Variants in ITFG1 observed in about 807,000 individuals in gnomAD.
The protein encoded by ITFG1 is T-cell immunomodulatory protein.
A neutral mutation model predicts 81.8 loss-of-function variants in ITFG1; 34 were observed. The ratio of observed to expected loss-of-function variants is 0.42; its 90% CI spans 0.32 to 0.55. ITFG1 has a LOEUF of 0.55. ITFG1 is among the 20% of genes least tolerant of loss of function. ITFG1 has a pLI of 0.17. For synonymous variants in ITFG1, 285 were observed against 270.6 expected (o/e 1.05, Z -0.52); for missense variants, 672 against 755.4 (o/e 0.89, Z 1.29).
chr16:47,316,942 TA>T (rs2151566863), intron 8 of ITFG1, among the ~76,000 whole-genome samples: 1 of 152,342 alleles, frequency 6.6e-6, no homozygotes, highest in African/African-American at 2.4e-5. Flanking sequence ...ACCAGGAATT[TA>T]TAACTTTGGA....
intron 10 of ITFG1, chr16:47,299,555 A>G (rs1164782222): frequency 6.6e-6 from 1 of 152,504 alleles, no homozygotes; most frequent in South Asian, 2.1e-4. Context: ...GTTGGAGGAC[A>G]GTTCTCAGGC....
intron 6 of ITFG1, among the ~76,000 whole-genome samples, chr16:47,411,305 G>A (rs1470779380): frequency 6.6e-6 from 1 of 152,174 alleles, no homozygotes; most frequent in African/African-American, 2.4e-5. Context: ...GCCTGTGACT[G>A]AAGTAGTCCT....
intron 10 of ITFG1, among the ~76,000 whole-genome samples, chr16:47,297,484 T>A (rs1172485889): frequency 6.6e-6 from 1 of 152,186 alleles, no homozygotes; most frequent in African/African-American, 2.4e-5. Context: ...TTTGTTTCCA[T>A]GTTTAGAATT....
chr16:47,208,249 G>C (rs1965524720), intron 14 of ITFG1, among the ~76,000 whole-genome samples: 1 of 152,118 alleles, frequency 6.6e-6, no homozygotes, highest in East Asian at 1.9e-4. Context: ...TGTGACTCTG[G>C]GGAAGTCCTT....
chr16:47,325,664 T>A (rs953011334), intron 8 of ITFG1, among the ~76,000 whole-genome samples: 19 of 152,058 alleles, frequency 1.2e-4, no homozygotes, highest in African/African-American at 3.9e-4. Flanking sequence ...CCCACAGAAA[T>A]ACAAACTACC....
intron 10 of ITFG1, among the ~76,000 whole-genome samples, chr16:47,282,688 T>A (rs1172749714): frequency 6.6e-6 from 1 of 152,154 alleles, no homozygotes; most frequent in East Asian, 1.9e-4. Flanking sequence ...CCACAGAGGT[T>A]GTATTAATTT....
intron 8 of ITFG1, among the ~76,000 whole-genome samples, chr16:47,324,443 G>A (rs571738274): frequency 2.8e-4 from 42 of 152,160 alleles, no homozygotes; most frequent in African/African-American, 9.2e-4. Context: ...AAGCAAAATA[G>A]CCAGCTAACA....
intron 14 of ITFG1, among the ~76,000 whole-genome samples, chr16:47,204,928 A>C (rs3095629): frequency 6.6e-6 from 1 of 152,228 alleles, no homozygotes; most frequent in African/African-American, 2.4e-5. Flanking sequence ...CTAAACTCAT[A>C]TGCTGAGCCA....
rs1969386803 is a variant in ITFG1, at chr16:47,451,395, C to A, written c.560+1G>T. On this transcript the variant is annotated splice_donor_variant, in intron 5 of 17. Coordinates refer to ENST00000320640, the MANE Select transcript of ITFG1 (RefSeq NM_030790.5). LOFTEE classifies it high-confidence loss of function. Reference sequence around the variant, plus strand: ...ACATAGTTATAACCATATTTACTCACCCTCCTAATAGTATCTGTGGCTGGT... The same window carrying A: ...ACATAGTTATAACCATATTTACTCAACCTCCTAATAGTATCTGTGGCTGGT... The A allele has an allele frequency of 6.7e-7, 1 of 1,492,422 alleles. No homozygotes were observed. The highest frequency in any genetic ancestry group is 1.7e-5 in the Admixed American group (1 of 57,722). The allele number at this position is 1,492,422 out of a possible 1,614,324, so 92.4% of individuals were successfully genotyped here.
At chr16:47,192,254 T>C (rs994279153) in intron 14 of ITFG1, among the ~76,000 whole-genome samples, 1 of 152,214 alleles carries the variant, frequency 6.6e-6, no homozygotes, top group African/African-American at 2.4e-5. Flanking sequence ...AAAAGGAACA[T>C]GGTAAGTAGT....
Position 47,352,633 on chromosome 16 carries a change from T to C in ITFG1, c.802+13155A>G, listed in dbSNP as rs1967977704. On this transcript the variant is annotated intron_variant, in intron 8 of 17. Transcript: ENST00000320640. ...TGGGACCGTAAACTAGTTCAACCAT[T>C]GTGGGAGTCAGTGTGGCGATTCCTC... Among the ~76,000 whole-genome samples, 3 of 152,166 alleles carry C rather than the reference T, an allele frequency of 2.0e-5. No homozygotes were observed. In the South Asian group the frequency reaches 6.2e-4, roughly 32 times the overall value.
At chr16:47,418,418 T>G (rs766318352) in intron 6 of ITFG1, among the ~76,000 whole-genome samples, 2 of 152,116 alleles carry the variant, frequency 1.3e-5, no homozygotes, top group Non-Finnish European at 2.9e-5. Flanking sequence ...TTTGAAATTT[T>G]TTTGTTTGTT....
At chr16:47,186,555 C>T (rs1200644221) in intron 14 of ITFG1, among the ~76,000 whole-genome samples, 1 of 152,196 alleles carries the variant, frequency 6.6e-6, no homozygotes, top group Non-Finnish European at 1.5e-5. Flanking sequence ...TGACAAAATT[C>T]AACAGCCCTT....
intron 10 of ITFG1, among the ~76,000 whole-genome samples, chr16:47,291,728 A>G (rs991824565): frequency 1.3e-5 from 2 of 152,162 alleles, no homozygotes; most frequent in African/African-American, 4.8e-5. Context: ...GAAGTCTGCT[A>G]CTGCAGCTGT....
intron 14 of ITFG1, among the ~76,000 whole-genome samples, chr16:47,181,802 G>A (rs1330047358): frequency 6.6e-6 from 1 of 152,226 alleles, no homozygotes; most frequent in African/African-American, 2.4e-5. Flanking sequence ...GTAGAAAGAG[G>A]TAGACATGGG....
Position 47,283,465 on chromosome 16 carries a change from T to A in ITFG1, c.1071-22770A>T, listed in dbSNP as rs1289761957. Among the ~76,000 whole-genome samples, 4 of 152,334 alleles carry A rather than the reference T, an allele frequency of 2.6e-5. No homozygotes were observed. The East Asian group carries it at 7.7e-4, about 29-fold the overall frequency. On this transcript the variant is annotated intron_variant, in intron 10 of 17. Coordinates refer to ENST00000320640, the MANE Select transcript of ITFG1 (RefSeq NM_030790.5). ...TGTGTCTATTTTTATAGCAATACCA[T>A]GCCAGCTCCTTATAATAAATCCTGT...
chr16:47,430,721 A>G lies in ITFG1; in HGVS notation c.561-1823T>C, dbSNP rs1341784383. 2.0e-5 allele frequency among the ~76,000 whole-genome samples: 3 copies of G among 152,228 alleles called. No individual in the cohort carries two copies. The East Asian group carries it at 5.8e-4, about 29-fold the overall frequency. On this transcript the variant is annotated intron_variant, in intron 5 of 17. Coordinates refer to ENST00000320640, the MANE Select transcript of ITFG1 (RefSeq NM_030790.5). ...CACTACATACAAAATTTAACTCAGA[A>G]TGGATGAAAGAACTAAAAGGATCTC...
intron 6 of ITFG1, among the ~76,000 whole-genome samples, chr16:47,405,504 T>C (rs1022576252): frequency 6.6e-6 from 1 of 152,232 alleles, no homozygotes; most frequent in Non-Finnish European, 1.5e-5. Context: ...AATGAAAACG[T>C]ACATGTGCAT....
intron 5 of ITFG1, among the ~76,000 whole-genome samples, chr16:47,440,850 A>G (rs1344070514): frequency 2.0e-5 from 3 of 152,228 alleles, no homozygotes; most frequent in Non-Finnish European, 4.4e-5. Flanking sequence ...GCAGAACTGA[A>G]GGAGACAGAG....
Sources: allele counts gnomAD v4.1 joint callset (sites outside exome capture counted in the v4.1 genomes callset), GRCh38; gene constraint gnomAD v4.1.1; transcripts MANE v1.5; gene names NCBI Gene and HGNC (gene_info 2026-07-23, HGNC 2026-07-21).